The following MAMSTR variants were observed in gnomAD, a reference collection of about 807,000 sequenced individuals.
The protein encoded by MAMSTR is MEF2 activating motif and SAP domain containing transcriptional regulator.
Under a neutral mutation model 42.7 loss-of-function variants are expected in MAMSTR, and 41 were observed. The ratio of observed to expected loss-of-function variants is 0.96; its 90% CI spans 0.75 to 1.25. The LOEUF (loss-of-function observed/expected upper bound fraction) is 1.25, where lower values mean the gene tolerates loss of function less well. MAMSTR is among the 50% of genes most tolerant of loss of function. The pLI is 0.00. For missense variants in MAMSTR, 567 were observed against 557.6 expected, an observed-to-expected ratio of 1.02 and a Z score of -0.17; for synonymous variants, 265 against 244.1, an observed-to-expected ratio of 1.09 and a Z score of -0.80.
At chr19:48,711,679 T>TCTC (rs1261605676), downstream of MAMSTR, among the ~76,000 whole-genome samples, 1 of 151,016 alleles carries the variant, frequency 6.6e-6, no homozygotes, top group East Asian at 1.9e-4. Flanking sequence ...TTCAAGTGAT[T>TCTC]CTCCTGCCTC....
At position 48,715,399 on chromosome 19, in the gene MAMSTR, C is replaced by A. The variant is rs750520557; in HGVS notation, c.288G>T (p.Gly96=). The A allele has an allele frequency of 6.6e-6, 10 of 1,518,526 alleles. No individual in the cohort carries two copies. Among genetic ancestry groups the A allele is most frequent in the Non-Finnish European group, 8.8e-6 (10 of 1,139,652 alleles). 94.1% of individuals were successfully genotyped at this position (1,518,526 alleles called of 1,614,324 possible). A position where few individuals can be genotyped will look rare whatever the true frequency, so the allele number is the denominator to read the frequency against. The change falls in exon 5 of 10, where the codon GGG becomes GGT. Residue 96 remains glycine (G), a synonymous_variant. Coordinates refer to ENST00000318083, the MANE Select transcript of MAMSTR (RefSeq NM_001130915.2). ...SQRWRESKPR[G]NLTYHQYMPP... Reference sequence around the variant, plus strand: ...GCATGTACTGGTGGTATGTCAAGTTCCCCCTGGGCTTGGACTCCCTCCAAC... The same window carrying A: ...GCATGTACTGGTGGTATGTCAAGTTACCCCTGGGCTTGGACTCCCTCCAAC...
downstream of MAMSTR, among the ~76,000 whole-genome samples, chr19:48,711,710 T>C (rs376854889): frequency 5.3e-5 from 8 of 150,254 alleles, 2 homozygotes; most frequent in African/African-American, 2.5e-5. Context: ...GTAGCTGGGA[T>C]TACAGGCTCC....
downstream of MAMSTR, among the ~76,000 whole-genome samples, chr19:48,707,839 GA>G (rs1465431183): frequency 6.1e-5 from 1 of 16,342 alleles, no homozygotes; most frequent in Admixed American, 1.1e-3. Flanking sequence ...AGAAAGAAAG[GA>G]AAGAAAGAAA....
Position 48,716,701 on chromosome 19 carries a change from T to A in MAMSTR, c.97+4A>T. The A allele has an allele frequency of 1.5e-6, 2 of 1,337,772 alleles. No homozygotes were observed. Among genetic ancestry groups the A allele is most frequent in the Non-Finnish European group, 1.9e-6 (2 of 1,035,800 alleles). 82.9% of individuals were successfully genotyped at this position (1,337,772 alleles called of 1,614,324 possible). On this transcript the variant is annotated splice_donor_region_variant and intron_variant, in intron 3 of 9. Transcript: ENST00000318083. ...ATCCCCTCCCTTTTGGGGCCCATAC[T>A]TACTCTGCTCCTGATTCCGTCTGTG... is the stretch of plus-strand genomic sequence containing the variant.
At position 48,713,506 on chromosome 19, in the gene MAMSTR, C is replaced by T. The variant is rs747202337; in HGVS notation, c.1009G>A (p.Val337Met). ...TCAGAGTCCGGGGAGGGGGACAGCA[C>T]GTCGAAGGAGCCAGGGAAGTCCAGG... ...IPLDFPGSFD[V>M]LSPSPDSEGL... Residue 337 changes from valine (V) to methionine (M), a missense_variant, in exon 10 of 10, where the codon GTG (valine) becomes ATG (methionine). Val to Met is a conservative substitution (Grantham distance 21, BLOSUM62 1). Transcript: ENST00000318083. 1 of 1,612,212 alleles carries T rather than the reference C, an allele frequency of 6.2e-7. No individual in the cohort carries two copies. Among genetic ancestry groups the T allele is most frequent in the Non-Finnish European group, 8.5e-7 (1 of 1,179,574 alleles).
downstream of MAMSTR, among the ~76,000 whole-genome samples, chr19:48,707,859 G>A (rs1019421656): frequency 1.8e-3 from 176 of 99,304 alleles, 1 homozygote; most frequent in African/African-American, 6.9e-3. Flanking sequence ...AAGAAAGAAA[G>A]AAAGAAAGAA....
At chr19:48,709,375 C>G (rs1439294676), downstream of MAMSTR, among the ~76,000 whole-genome samples, 1 of 152,040 alleles carries the variant, frequency 6.6e-6, no homozygotes, top group Non-Finnish European at 1.5e-5. Flanking sequence ...CTCGAACTCC[C>G]AACCTCAGGT....
intron 2 of MAMSTR, among the ~76,000 whole-genome samples, chr19:48,717,983 G>A (rs775401535): frequency 3.9e-5 from 6 of 152,194 alleles, no homozygotes; most frequent in Non-Finnish European, 7.3e-5. Context: ...AGGACTACAG[G>A]CATCAGCCAC....
At position 48,716,676 on chromosome 19, in the gene MAMSTR, A is replaced by G; in HGVS notation, c.97+29T>C. ...TCCCAGTGGGGAGTGGGGGGTCACC[A>G]TCCCCTCCCTTTTGGGGCCCATACT... On this transcript the variant is annotated intron_variant, in intron 3 of 9. Coordinates refer to ENST00000318083, the MANE Select transcript of MAMSTR (RefSeq NM_001130915.2). 3 of 1,331,410 alleles carry G rather than the reference A, an allele frequency of 2.3e-6. No individual in the cohort carries two copies. In the East Asian group the frequency reaches 9.3e-5, roughly 41 times the overall value. 82.5% of individuals were successfully genotyped at this position (1,331,410 alleles called of 1,614,324 possible).
downstream of MAMSTR, among the ~76,000 whole-genome samples, chr19:48,710,414 C>CTTT (rs551847729): frequency 9.6e-6 from 1 of 103,766 alleles, no homozygotes; most frequent in African/African-American, 4.6e-5. Flanking sequence ...TGGGCCCAAT[C>CTTT]TTTTTTTTTT....
downstream of MAMSTR, among the ~76,000 whole-genome samples, chr19:48,712,425 C>CT (rs1479082214): frequency 2.2e-4 from 33 of 148,420 alleles, no homozygotes; most frequent in South Asian, 4.2e-4. Context: ...TTCTCTCTCT[C>CT]TTTTTTTTTT....
chr19:48,716,002 G>A (rs939109706), intron 3 of MAMSTR: 69 of 1,297,920 alleles, frequency 5.3e-5, no homozygotes, highest in Non-Finnish European at 6.8e-5. Flanking sequence ...TGTGGTAGCT[G>A]AGGATCACAG....
At chr19:48,707,601 C>T in the MAMSTR span, among the ~76,000 whole-genome samples, 1 of 138,286 alleles carries the variant, frequency 7.2e-6, no homozygotes, top group Non-Finnish European at 1.6e-5. Context: ...ATTAGCCAGG[C>T]GTGGTGGTGC....
chr19:48,709,710 C>G (rs1484652743), downstream of MAMSTR, among the ~76,000 whole-genome samples: 1 of 152,152 alleles, frequency 6.6e-6, no homozygotes, highest in Admixed American at 6.5e-5. Context: ...CAATCCAGAG[C>G]CCACACCCCA....
In MAMSTR at chr19:48,714,400, G is replaced by A. The variant is rs745811472; in HGVS notation, c.689C>T (p.Pro230Leu). 6.5e-6 allele frequency: 9 copies of A among 1,390,452 alleles called. No individual in the cohort carries two copies. The highest frequency in any genetic ancestry group is 1.7e-5 in the South Asian group (1 of 60,604). 86.1% of individuals were successfully genotyped at this position (1,390,452 alleles called of 1,614,324 possible). A position where few individuals can be genotyped will look rare whatever the true frequency, so the allele number is the denominator to read the frequency against. ...ACGCCGGGCGGCTGCCAGGGCCTTG[G>A]GCTTGAGGCGCGGCCAGGGAGCACC... ...PAGAPWPRLK[P>L]KALAAARRQG... The change falls in exon 7 of 10, where the codon CCC becomes CTC. Residue 230 changes from proline (P) to leucine (L), a missense_variant. By Grantham distance (98) the Pro-to-Leu change is moderately conservative (BLOSUM62 -3). Transcript: ENST00000318083.
At chr19:48,710,378 G>A (rs2122251022), downstream of MAMSTR, among the ~76,000 whole-genome samples, 1 of 146,826 alleles carries the variant, frequency 6.8e-6, no homozygotes, top group East Asian at 2.0e-4. Context: ...GCCTCCCAAA[G>A]TGCCAGGATT....
Position 48,715,366 on chromosome 19 carries a change from C to T in MAMSTR, c.321G>A (p.Glu107=). The T allele has an allele frequency of 6.5e-7, 1 of 1,542,060 alleles. No homozygotes were observed. Residue 107 remains glutamate, a synonymous_variant, in exon 5 of 10, where the codon GAG becomes GAA. Transcript: ENST00000318083. ...NLTYHQYMPP[E]PRQGSRADPQ... ...GGTCCGCCCTGGATCCCTGTCTCGG[C>T]TCTGGGGGCATGTACTGGTGGTATG...
chr19:48,716,841 T>C, intron 2 of MAMSTR, 98 bp from the exon 3 acceptor site: 1 of 1,253,592 alleles, frequency 8.0e-7, no homozygotes. Flanking sequence ...GTTGGCGGGA[T>C]ATGCGTGCCC....
At chr19:48,711,559 G>GTTGTTTGTTTGT (rs57913334), downstream of MAMSTR, among the ~76,000 whole-genome samples, 4,009 of 150,412 alleles carry the variant, frequency 0.027, 181 homozygotes, top group African/African-American at 0.093. Flanking sequence ...GTGGGTTTTT[G>GTTGTTTGTTTGT]TTGTTTGTTT....
Sources: gnomAD v4.1 joint callset for allele counts (sites outside exome capture counted in the v4.1 genomes callset) on GRCh38, gnomAD v4.1.1 for gene constraint, MANE v1.5 for transcripts, NCBI Gene and HGNC (gene_info 2026-07-23, HGNC 2026-07-21) for gene names.